The following FGL1 variants were observed in gnomAD, a reference collection of about 807,000 sequenced individuals.
FGL1 encodes fibrinogen-like protein 1.
A neutral mutation model predicts 43.7 loss-of-function variants in FGL1; 59 were observed. The ratio of observed to expected loss-of-function variants is 1.35; its 90% CI spans 1.10 to 1.68. The LOEUF is 1.68. Among genes scored for constraint, FGL1 ranks in the 40% most tolerant of loss-of-function variants. The pLI, the probability that FGL1 is intolerant of heterozygous loss-of-function variation, is 0.00. For missense variants in FGL1, 596 were observed against 373.0 expected, an observed-to-expected ratio of 1.60 and a Z score of -4.92; for synonymous variants, 192 against 126.5, an observed-to-expected ratio of 1.52 and a Z score of -3.48.
intron 3 of FGL1, among the ~76,000 whole-genome samples, chr8:17,880,374 C>T (rs1216448449): frequency 2.0e-5 from 3 of 152,238 alleles, no homozygotes; most frequent in African/African-American, 4.8e-5. Context: ...GAAGCATAGA[C>T]TCTCACAACT....
intron 3 of FGL1, among the ~76,000 whole-genome samples, chr8:17,878,058 G>A (rs188883770): frequency 2.0e-5 from 3 of 152,082 alleles, no homozygotes; most frequent in Non-Finnish European, 1.5e-5. Context: ...CCAAACTTCT[G>A]CAATCCTCCT....
At chr8:17,879,538 T>C (rs2053503918) in intron 3 of FGL1, among the ~76,000 whole-genome samples, 1 of 152,008 alleles carries the variant, frequency 6.6e-6, no homozygotes, top group Non-Finnish European at 1.5e-5. Flanking sequence ...CAGTGAGTGG[T>C]GAGTTCTCAT....
chr8:17,871,497 A>AC (rs375294453), intron 5 of FGL1, among the ~76,000 whole-genome samples: 22 of 151,264 alleles, frequency 1.5e-4, no homozygotes, highest in African/African-American at 5.1e-4. Flanking sequence ...GTCTCAAAAA[A>AC]AAAAACAAAA....
intron 1 of FGL1, among the ~76,000 whole-genome samples, chr8:17,890,116 A>G (rs1188043801): frequency 2.6e-5 from 4 of 152,240 alleles, no homozygotes; most frequent in African/African-American, 4.8e-5. Flanking sequence ...TTTTTACTAA[A>G]GGAAGCTCAA....
chr8:17,881,977 C>G (rs755705763), intron 3 of FGL1, 22 bp downstream of exon 3: 2 of 1,607,160 alleles, frequency 1.2e-6, no homozygotes, highest in Non-Finnish European at 1.7e-6. Flanking sequence ...TATAGAAACA[C>G]TTAAGAAAAG....
intron 5 of FGL1, among the ~76,000 whole-genome samples, chr8:17,869,233 A>G (rs985222502): frequency 6.6e-6 from 1 of 152,246 alleles, no homozygotes; most frequent in Non-Finnish European, 1.5e-5. Flanking sequence ...AAAAATGTCT[A>G]CTAGATCTCT....
rs1403891108 is a variant in FGL1 at position 17,875,509 on chromosome 8, TTCTTTCTTTCTTTCTTTCTTTCTTTC to T, written c.245-1014_245-989del. On this transcript the variant is annotated intron_variant, in intron 3 of 7. Transcript: ENST00000427924. ...TTTCTTTCTTTCTTTCTTTCTTTCT[TTCTTTCTTTCTTTCTTTCTTTCTTTC>T]TCTTTCTTTCTTTCTTTCTTTCTTT... Among the ~76,000 whole-genome samples, 18 of 8,356 alleles carry T rather than the reference TTCTTTCTTTCTTTCTTTCTTTCTTTC, an allele frequency of 2.2e-3. 1 individual carries two copies. Among genetic ancestry groups the T allele is most frequent in the African/African-American group, 7.5e-3 (16 of 2,128 alleles). The allele number at this position is 8,356 out of a possible 152,430, so 5.5% of individuals were successfully genotyped here.
At chr8:17,887,380 T>A (rs1478070282) in intron 1 of FGL1, among the ~76,000 whole-genome samples, 1 of 152,218 alleles carries the variant, frequency 6.6e-6, no homozygotes, top group East Asian at 1.9e-4. Context: ...CTATTCTGCT[T>A]ATTTCTTTCA....
chr8:17,864,604 T>G lies in FGL1; in HGVS notation c.927A>C (p.Pro309=), dbSNP rs758164829. ...CCAACAGCAGCAATTAAATTACATTTGGAATAAAATCATTTGGCCTAATTT... is the reference window on the plus strand; with the variant it reads ...CCAACAGCAGCAATTAAATTACATTGGGAATAAAATCATTTGGCCTAATTT... ...VMKIRPNDFI[P]NVI The change falls in exon 8 of 8, where the codon CCA becomes CCC. Residue 309 remains proline (P), a synonymous_variant. Transcript: ENST00000427924. The G allele has an allele frequency of 9.4e-6, 15 of 1,604,182 alleles. No individual in the cohort carries two copies. The highest frequency in any genetic ancestry group is 1.3e-5 in the Non-Finnish European group (15 of 1,177,778).
chr8:17,869,112 G>A lies in FGL1; in HGVS notation c.503-108C>T, dbSNP rs1585127580. 2.7e-5 allele frequency: 17 copies of A among 625,102 alleles called. No individual in the cohort carries two copies. In the East Asian group the frequency reaches 4.9e-4, roughly 18 times the overall value. 38.7% of individuals were successfully genotyped at this position (625,102 alleles called of 1,614,324 possible). The stretch of plus-strand genomic sequence containing the variant: ...CTATTTTAATTTTACCATTTCCCTT[G>A]GCCAAGAATCAGTTTTCAAAGATTA... On this transcript the variant is annotated intron_variant, in intron 5 of 7. Transcript: ENST00000427924.
chr8:17,883,255 A>C (rs1354270447), intron 2 of FGL1, among the ~76,000 whole-genome samples: 3 of 62,340 alleles, frequency 4.8e-5, no homozygotes, highest in East Asian at 1.7e-3. Context: ...TATAATATAT[A>C]TCATATATAA....
chr8:17,876,024 G>T (rs2131712994), intron 3 of FGL1, among the ~76,000 whole-genome samples: 1 of 152,226 alleles, frequency 6.6e-6, no homozygotes, highest in Non-Finnish European at 1.5e-5. Flanking sequence ...CCTCTCTATT[G>T]TTCAGATGCA....
chr8:17,883,479 T>C lies in FGL1; in HGVS notation c.64-1300A>G, dbSNP rs1157323495. On this transcript the variant is annotated intron_variant, in intron 2 of 7. Transcript: ENST00000427924. ...ATATTATATAATATATAAATATAAA[T>C]AATATATAATATATTAAATATATTT... Among the ~76,000 whole-genome samples, 7 of 127,164 alleles carry C rather than the reference T, an allele frequency of 5.5e-5. 1 individual carries two copies. 83.4% of individuals were successfully genotyped at this position (127,164 alleles called of 152,430 possible). A position where few individuals can be genotyped will look rare whatever the true frequency, so the allele number is the denominator to read the frequency against.
intron 3 of FGL1, among the ~76,000 whole-genome samples, chr8:17,880,807 G>A (rs532031955): frequency 5.3e-4 from 80 of 152,284 alleles, no homozygotes; most frequent in Middle Eastern, 3.4e-3. Flanking sequence ...AGGAATTCAA[G>A]TGAACAGTTT....
chr8:17,886,017 G>A (rs935209952), intron 1 of FGL1, among the ~76,000 whole-genome samples: 18 of 152,168 alleles, frequency 1.2e-4, no homozygotes, highest in African/African-American at 4.3e-4. Flanking sequence ...GCCTCCCAAA[G>A]TGCTGGGATT....
chr8:17,879,582 T>C (rs979616160), intron 3 of FGL1, among the ~76,000 whole-genome samples: 7 of 152,032 alleles, frequency 4.6e-5, no homozygotes, highest in Admixed American at 4.6e-4. Context: ...TCGCACCTCC[T>C]CCCTCTCTTT....
intron 1 of FGL1, among the ~76,000 whole-genome samples, chr8:17,888,750 C>T (rs1296583678): frequency 2.6e-5 from 4 of 151,958 alleles, no homozygotes; most frequent in Non-Finnish European, 5.9e-5. Flanking sequence ...AAGTAAAAAC[C>T]ATCCATTTAA....
At chr8:17,870,725 G>C (rs1028859467) in intron 5 of FGL1, among the ~76,000 whole-genome samples, 2 of 152,104 alleles carry the variant, frequency 1.3e-5, no homozygotes, top group African/African-American at 4.8e-5. Context: ...GGCCAACATG[G>C]TGAAACCCTG....
chr8:17,874,872 C>G (rs1293865610), intron 3 of FGL1, among the ~76,000 whole-genome samples: 1 of 152,034 alleles, frequency 6.6e-6, no homozygotes, highest in East Asian at 1.9e-4. Context: ...TGGCTTCAAA[C>G]AATCCTATCC....
Sources: allele counts gnomAD v4.1 joint callset (sites outside exome capture counted in the v4.1 genomes callset), GRCh38; gene constraint gnomAD v4.1.1; transcripts MANE v1.5; gene names NCBI Gene and HGNC (gene_info 2026-07-23, HGNC 2026-07-21).